The following GALNT17 variants were observed in gnomAD, a reference collection of about 807,000 sequenced individuals.
The protein encoded by GALNT17 is UDP-GalNAc:polypeptide N-acetylgalactosaminyltransferase-like 3.
In GALNT17, 29 loss-of-function variants were observed where a neutral mutation model predicts 63.7. The ratio of observed to expected loss-of-function variants is 0.46; its 90% CI spans 0.34 to 0.62. The LOEUF is 0.62. GALNT17 is among the 20% of genes least tolerant of loss of function. GALNT17 has a pLI of 0.01. For synonymous variants in GALNT17, 305 were observed against 318.3 expected (o/e 0.96, Z 0.45); for missense variants, 603 against 799.6 (o/e 0.75, Z 2.97).
At chr7:71,319,480 T>C (rs1273535390) in intron 1 of GALNT17, among the ~76,000 whole-genome samples, 1 of 152,174 alleles carries the variant, frequency 6.6e-6, no homozygotes, top group Non-Finnish European at 1.5e-5. Context: ...TCTTTGTGTG[T>C]TTCTACTGCC....
chr7:71,374,998 C>T (rs1354894823), intron 2 of GALNT17, among the ~76,000 whole-genome samples: 2 of 152,044 alleles, frequency 1.3e-5, no homozygotes, highest in South Asian at 4.1e-4. Flanking sequence ...CACCACCATG[C>T]CCAGCTAATT....
At chr7:71,261,363 A>C (rs1790382361) in intron 1 of GALNT17, among the ~76,000 whole-genome samples, 6 of 152,276 alleles carry the variant, frequency 3.9e-5, no homozygotes, top group Admixed American at 2.6e-4. Context: ...CCGGAGCAAA[A>C]ATACTTTCCC....
intron 1 of GALNT17, among the ~76,000 whole-genome samples, chr7:71,279,246 C>T (rs1353638483): frequency 6.6e-6 from 1 of 151,958 alleles, no homozygotes; most frequent in African/African-American, 2.4e-5. Context: ...TGGATTCATC[C>T]TAATCTAGTA....
chr7:71,353,883 G>A (rs898418166), intron 2 of GALNT17, among the ~76,000 whole-genome samples: 2 of 152,138 alleles, frequency 1.3e-5, no homozygotes, highest in African/African-American at 2.4e-5. Context: ...TTGACTCATG[G>A]TGTCACAGGC....
At chr7:71,157,990 G>A (rs768837419) in intron 1 of GALNT17, among the ~76,000 whole-genome samples, 1 of 151,644 alleles carries the variant, frequency 6.6e-6, no homozygotes, top group Admixed American at 6.6e-5. Context: ...ATATTCCACT[G>A]TATGTATATG....
intron 5 of GALNT17, among the ~76,000 whole-genome samples, chr7:71,558,188 C>G (rs1181309770): frequency 6.6e-6 from 1 of 152,220 alleles, no homozygotes; most frequent in Non-Finnish European, 1.5e-5. Flanking sequence ...AAATTTTTCT[C>G]TGATTGGCTG....
chr7:71,377,344 G>GATCAGTCC (rs373834585), intron 2 of GALNT17, among the ~76,000 whole-genome samples: 1 of 11,096 alleles, frequency 9.0e-5, no homozygotes, highest in Non-Finnish European at 1.6e-4. Context: ...GCCAGTAGGT[G>GATCAGTCC]AATATTCGGA....
At chr7:71,633,140 G>T (rs886299406) in intron 6 of GALNT17, among the ~76,000 whole-genome samples, 7 of 148,798 alleles carry the variant, frequency 4.7e-5, no homozygotes, top group Non-Finnish European at 1.0e-4. Context: ...GTTGATTATT[G>T]ATTATTTAGT....
intron 1 of GALNT17, among the ~76,000 whole-genome samples, chr7:71,184,277 G>A (rs1796088): frequency 0.26 from 39,679 of 151,998 alleles, 9,568 homozygotes; most frequent in African/African-American, 0.65. Flanking sequence ...CAGCTTTGTG[G>A]CATTACTCCA....
At chr7:71,163,244 A>G (rs569714868) in intron 1 of GALNT17, among the ~76,000 whole-genome samples, 5 of 152,302 alleles carry the variant, frequency 3.3e-5, no homozygotes, top group African/African-American at 1.2e-4. Context: ...GAGAGATGAA[A>G]CATTCAATTT....
chr7:71,372,964 G>A (rs775865448), intron 2 of GALNT17, among the ~76,000 whole-genome samples: 6 of 152,164 alleles, frequency 3.9e-5, no homozygotes, highest in South Asian at 2.1e-4. Flanking sequence ...GGAGTGATCC[G>A]CATGTCGAGG....
chr7:71,362,011 C>T (rs779955510), intron 2 of GALNT17, among the ~76,000 whole-genome samples: 10 of 152,060 alleles, frequency 6.6e-5, no homozygotes, highest in Non-Finnish European at 1.5e-4. Context: ...GGCTGGGGTA[C>T]AGTGGTGCAG....
chr7:71,254,546 G>C (rs758520547), intron 1 of GALNT17, among the ~76,000 whole-genome samples: 7 of 152,136 alleles, frequency 4.6e-5, no homozygotes, highest in African/African-American at 9.7e-5. Flanking sequence ...TCAGTCTTCA[G>C]ATCTCTGTTT....
At chr7:71,526,489 A>ATTTTTAT (rs369923442) in intron 5 of GALNT17, among the ~76,000 whole-genome samples, 15 of 152,046 alleles carry the variant, frequency 9.9e-5, no homozygotes, top group East Asian at 9.6e-4. Context: ...GTTACATGGA[A>ATTTTTAT]TTTTTATTTT....
At chr7:71,166,151 G>A (rs761680197) in intron 1 of GALNT17, among the ~76,000 whole-genome samples, 4 of 152,186 alleles carry the variant, frequency 2.6e-5, no homozygotes, top group African/African-American at 7.2e-5. Context: ...GCAAATGGAC[G>A]TTGGCGCTCA....
intron 1 of GALNT17, among the ~76,000 whole-genome samples, chr7:71,138,883 G>T (rs1435072965): frequency 6.6e-6 from 1 of 152,208 alleles, no homozygotes; most frequent in Non-Finnish European, 1.5e-5. Flanking sequence ...GCTGAGTCAG[G>T]AGAATCACTT....
intron 5 of GALNT17, among the ~76,000 whole-genome samples, chr7:71,446,882 A>G (rs10267558): frequency 0.058 from 8,840 of 152,224 alleles, 531 homozygotes; most frequent in African/African-American, 0.15. Flanking sequence ...GTTTACCTCT[A>G]TATCTCTAAA....
intron 1 of GALNT17, among the ~76,000 whole-genome samples, chr7:71,144,742 T>C (rs184696481): frequency 1.7e-3 from 252 of 151,896 alleles, no homozygotes; most frequent in African/African-American, 5.7e-3. Context: ...GGGTTTTGTT[T>C]TGTTTTTGAT....
chr7:71,403,782 A>C (rs952332680), intron 3 of GALNT17, among the ~76,000 whole-genome samples: 3 of 152,150 alleles, frequency 2.0e-5, no homozygotes, highest in Non-Finnish European at 4.4e-5. Context: ...AGAAGTGACC[A>C]AGCACCAGCG....
Sources: gnomAD v4.1 joint callset for allele counts (sites outside exome capture counted in the v4.1 genomes callset) on GRCh38, gnomAD v4.1.1 for gene constraint, MANE v1.5 for transcripts, NCBI Gene and HGNC (gene_info 2026-07-23, HGNC 2026-07-21) for gene names.